The following ITGB5 variants were observed in gnomAD, a reference collection of about 807,000 sequenced individuals.
The protein encoded by ITGB5 is integrin beta-5.
A neutral mutation model predicts 84.8 loss-of-function variants in ITGB5; 38 were observed. The ratio of observed to expected loss-of-function variants is 0.45; its 90% CI spans 0.35 to 0.59. ITGB5 has a LOEUF of 0.59. Among genes scored for constraint, ITGB5 ranks in the 20% least tolerant of loss-of-function variants. The pLI is 0.01. For missense variants in ITGB5, 905 were observed against 1,034.5 expected (o/e 0.87, Z 1.72); for synonymous variants, 393 against 414.4 (o/e 0.95, Z 0.63).
At chr3:124,835,905 C>G (rs1346629274) in intron 5 of ITGB5, among the ~76,000 whole-genome samples, 1 of 152,144 alleles carries the variant, frequency 6.6e-6, no homozygotes, top group Non-Finnish European at 1.5e-5. Flanking sequence ...TCTGCAGCAG[C>G]CTCTACTGGG....
chr3:124,813,034 G>A (rs1048086160), intron 8 of ITGB5, among the ~76,000 whole-genome samples: 8 of 152,184 alleles, frequency 5.3e-5, no homozygotes, highest in Admixed American at 2.0e-4. Flanking sequence ...TCTGGAGAGA[G>A]CTGTGACTGG....
At chr3:124,793,083 C>T (rs897763942) in intron 10 of ITGB5, 2 of 152,194 alleles carry the variant, frequency 1.3e-5, no homozygotes, top group Admixed American at 6.5e-5. Flanking sequence ...CCAGGGCCTT[C>T]ATCTCTGTCT....
chr3:124,835,961 A>G (rs921271156), intron 5 of ITGB5, among the ~76,000 whole-genome samples: 1 of 151,998 alleles, frequency 6.6e-6, no homozygotes, highest in African/African-American at 2.4e-5. Flanking sequence ...AGCAAAATCA[A>G]AGGCCTTGAG....
intron 14 of ITGB5, 49 bp downstream of exon 14, chr3:124,764,342 C>T (rs183528251): frequency 7.6e-5 from 119 of 1,569,556 alleles, no homozygotes; most frequent in Admixed American, 1.6e-4. Flanking sequence ...AACTCAACCA[C>T]GCCTCTGAGC....
intron 10 of ITGB5, among the ~76,000 whole-genome samples, chr3:124,779,326 G>A (rs9879289): frequency 0.1 from 15,625 of 152,126 alleles, 1,023 homozygotes; most frequent in Non-Finnish European, 0.14. Flanking sequence ...CTCAAAAGAG[G>A]GAGCAAAGGG....
At chr3:124,838,204 TAA>T (rs56390552) in intron 5 of ITGB5, among the ~76,000 whole-genome samples, 22 of 116,268 alleles carry the variant, frequency 1.9e-4, no homozygotes, top group East Asian at 5.0e-4. Context: ...TGTTCCAGAA[TAA>T]AAAAAAAAAA....
chr3:124,778,083 C>CT (rs1227160213), intron 10 of ITGB5, among the ~76,000 whole-genome samples: 4 of 152,226 alleles, frequency 2.6e-5, no homozygotes, highest in African/African-American at 9.7e-5. Context: ...TTCATCAAAA[C>CT]AAAGCTAACA....
At chr3:124,815,926 G>T (rs1399584717) in intron 8 of ITGB5, among the ~76,000 whole-genome samples, 1 of 152,184 alleles carries the variant, frequency 6.6e-6, no homozygotes, top group African/African-American at 2.4e-5. Flanking sequence ...CTGCACTCTG[G>T]GTTCTGAAGT....
At chr3:124,810,021 C>T (rs182462946) in intron 8 of ITGB5, among the ~76,000 whole-genome samples, 59 of 152,246 alleles carry the variant, frequency 3.9e-4, no homozygotes, top group African/African-American at 1.3e-3. Flanking sequence ...GAAGTGTATG[C>T]GTCACCAAAA....
At chr3:124,867,879 G>C (rs1372508185) in intron 2 of ITGB5, among the ~76,000 whole-genome samples, 1 of 152,160 alleles carries the variant, frequency 6.6e-6, no homozygotes, top group Non-Finnish European at 1.5e-5. Flanking sequence ...GATATGGTTA[G>C]GCTTTGTGTT....
intron 8 of ITGB5, among the ~76,000 whole-genome samples, chr3:124,814,509 C>T (rs1311574046): frequency 1.3e-5 from 2 of 151,340 alleles, no homozygotes; most frequent in East Asian, 1.9e-4. Context: ...CAGAGTCTCA[C>T]TCTGTCACCC....
chr3:124,805,562 T>C (rs1579225300), intron 9 of ITGB5, among the ~76,000 whole-genome samples: 1 of 151,588 alleles, frequency 6.6e-6, no homozygotes, highest in East Asian at 1.9e-4. Flanking sequence ...AGCCATCCTC[T>C]GGCCTCAGCC....
intron 2 of ITGB5, among the ~76,000 whole-genome samples, chr3:124,865,774 C>T (rs989700754): frequency 6.6e-6 from 1 of 152,060 alleles, no homozygotes; most frequent in African/African-American, 2.4e-5. Context: ...AGGCGTGAGC[C>T]ACCATGCCTG....
intron 2 of ITGB5, among the ~76,000 whole-genome samples, chr3:124,870,983 G>A (rs537822078): frequency 3.2e-4 from 49 of 151,158 alleles, no homozygotes; most frequent in African/African-American, 1.1e-3. Flanking sequence ...TCCTCCTCCC[G>A]GGCTCAAGTG....
chr3:124,764,503 A>T lies in ITGB5; in HGVS notation c.2192T>A (p.Ile731Asn), dbSNP rs753193306. The T allele has an allele frequency of 2.5e-6, 4 of 1,613,904 alleles. No individual in the cohort carries two copies. In the South Asian group the frequency reaches 4.4e-5, roughly 18 times the overall value. The change falls in exon 14 of 15, where the codon ATC becomes AAC. Residue 731 changes from isoleucine (I) to asparagine (N), a missense_variant. By Grantham distance (149) the Ile-to-Asn change is moderately radical. This residue lies in a region of ITGB5 where 133 missense variants were observed against 122.8 expected (regional missense o/e 1.08). Coordinates refer to ENST00000296181, the MANE Select transcript of ITGB5 (RefSeq NM_002213.5). ...MTILLAVVGS[I>N]LLVGLALLAI... is the part of the protein sequence containing the mutation. ...CAGGAGTGCAAGCCCAACAAGGAGG[A>T]TGCTACCGACCACAGCCAGGAGGAT...
intron 10 of ITGB5, among the ~76,000 whole-genome samples, chr3:124,795,483 C>T (rs1353564069): frequency 6.6e-6 from 1 of 150,538 alleles, no homozygotes; most frequent in African/African-American, 2.4e-5. Flanking sequence ...AGTGAGACTC[C>T]ATCTCAGAAA....
intron 10 of ITGB5, among the ~76,000 whole-genome samples, chr3:124,774,239 A>G (rs879680974): frequency 2.6e-5 from 4 of 151,912 alleles, no homozygotes; most frequent in Non-Finnish European, 4.4e-5. Context: ...ATATGTTCCC[A>G]CTCCAATCCC....
rs779437336 is a variant in ITGB5, at chr3:124,764,382, C to G, written c.2304+9G>C. ...AGTCTCCTCTGCTTCCCATTTCCCA[C>G]GTGCTTACCATTTCATAGCGGGCCC... On this transcript the variant is annotated intron_variant, in intron 14 of 14. Transcript: ENST00000296181. 34 of 1,594,760 alleles carry G rather than the reference C, an allele frequency of 2.1e-5. 1 individual carries two copies. In the East Asian group the frequency reaches 7.4e-4, roughly 35 times the overall value.
chr3:124,844,179 G>A (rs546828565), intron 4 of ITGB5, among the ~76,000 whole-genome samples: 27 of 128,874 alleles, frequency 2.1e-4, no homozygotes, highest in African/African-American at 6.9e-4. Flanking sequence ...TAAATGAATG[G>A]ACCTTTCAGA....
Sources: allele counts gnomAD v4.1 joint callset (sites outside exome capture counted in the v4.1 genomes callset), GRCh38; gene constraint gnomAD v4.1.1; regional missense constraint gnomAD v4.1.1; transcripts MANE v1.5; gene names NCBI Gene and HGNC (gene_info 2026-07-23, HGNC 2026-07-21).